Variants in MAGI2 observed in about 807,000 individuals in gnomAD.
MAGI2 encodes membrane associated guanylate kinase, WW and PDZ domain containing 2, also known as membrane-associated guanylate kinase, WW and PDZ domain-containing protein 2.
In MAGI2, 35 loss-of-function variants were observed where a neutral mutation model predicts 133.3. The observed-to-expected ratio is 0.26, with a 90% CI of 0.20 to 0.35. The LOEUF (loss-of-function observed/expected upper bound fraction) is 0.35. Among genes scored for constraint, MAGI2 ranks in the 10% least tolerant of loss-of-function variants. MAGI2 has a pLI of 1.00. For synonymous variants in MAGI2, 729 were observed against 710.6 expected (o/e 1.03, Z -0.41); for missense variants, 1,636 against 1,863.4 (o/e 0.88, Z 2.25).
In MAGI2 at chr7:79,366,855, T is replaced by C. The variant is rs377576520; in HGVS notation, c.301+86165A>G. On this transcript the variant is annotated intron_variant, in intron 1 of 21. Transcript: ENST00000354212. ...ATATTATGATGTTGGGTAAAACACA[T>C]ACAAGCAGATAATTAATTCCTAATA... Among the ~76,000 whole-genome samples, 4 of 152,316 alleles carry C rather than the reference T, an allele frequency of 2.6e-5. No homozygotes were observed. The South Asian group carries it at 6.2e-4, about 24-fold the overall frequency.
chr7:79,425,373 A>G (rs966323593), intron 1 of MAGI2, among the ~76,000 whole-genome samples: 6 of 151,908 alleles, frequency 3.9e-5, no homozygotes, highest in Non-Finnish European at 7.4e-5. Flanking sequence ...GGAAGAACCA[A>G]AATTAGTAGT....
chr7:78,070,218 T>TATAC (rs1453553515), intron 21 of MAGI2, among the ~76,000 whole-genome samples: 18 of 52,276 alleles, frequency 3.4e-4, no homozygotes, highest in South Asian at 8.7e-4. Context: ...TATATATATA[T>TATAC]ACACACACAC....
intron 6 of MAGI2, among the ~76,000 whole-genome samples, chr7:78,419,195 T>C (rs1285915789): frequency 6.6e-6 from 1 of 152,172 alleles, no homozygotes; most frequent in East Asian, 1.9e-4. Flanking sequence ...AGTCCTAGCA[T>C]ACTATAGTTC....
At chr7:78,693,406 C>T (rs1442643341) in intron 2 of MAGI2, among the ~76,000 whole-genome samples, 2 of 152,074 alleles carry the variant, frequency 1.3e-5, no homozygotes, top group Non-Finnish European at 1.5e-5. Flanking sequence ...AATATTCTTA[C>T]GATGTGTACA....
intron 3 of MAGI2, among the ~76,000 whole-genome samples, chr7:78,573,064 T>TATAC (rs1563187586): frequency 3.1e-5 from 3 of 96,566 alleles, no homozygotes; most frequent in Non-Finnish European, 5.9e-5. Flanking sequence ...TATATATATA[T>TATAC]ATATATATAT....
intron 2 of MAGI2, among the ~76,000 whole-genome samples, chr7:78,931,997 GCAAAAA>G (rs1402997315): frequency 8.0e-6 from 1 of 125,342 alleles, no homozygotes; most frequent in Non-Finnish European, 1.7e-5. Context: ...CAAAAGGAAG[GCAAAAA>G]AAAAAAAAAA....
At chr7:79,348,864 G>A (rs1400102893) in intron 1 of MAGI2, among the ~76,000 whole-genome samples, 1 of 151,782 alleles carries the variant, frequency 6.6e-6, no homozygotes, top group Non-Finnish European at 1.5e-5. Context: ...TAATCACTGT[G>A]CTCTCTTCTC....
intron 20 of MAGI2, among the ~76,000 whole-genome samples, chr7:78,083,682 G>A (rs1030146086): frequency 1.3e-5 from 2 of 152,204 alleles, no homozygotes; most frequent in South Asian, 2.1e-4. Flanking sequence ...CTAGGTCCCC[G>A]CCTAGTAAGT....
intron 15 of MAGI2, among the ~76,000 whole-genome samples, chr7:78,164,084 C>T (rs1825381200): frequency 6.6e-6 from 1 of 152,124 alleles, no homozygotes; most frequent in South Asian, 2.1e-4. Context: ...CTCCCCAAGA[C>T]CTCTTGCAAA....
chr7:78,124,468 T>C (rs531394575), intron 20 of MAGI2, among the ~76,000 whole-genome samples: 2 of 152,326 alleles, frequency 1.3e-5, no homozygotes, highest in African/African-American at 4.8e-5. Flanking sequence ...CTTCTGCTTT[T>C]GGACTGTGGA....
intron 9 of MAGI2, among the ~76,000 whole-genome samples, chr7:78,270,728 C>T (rs1416197430): frequency 6.6e-6 from 1 of 151,828 alleles, no homozygotes; most frequent in Non-Finnish European, 1.5e-5. Context: ...TTAGACAGAC[C>T]AACGAGACAG....
At chr7:79,197,946 A>AT (rs768079351) in intron 1 of MAGI2, among the ~76,000 whole-genome samples, 1 of 151,916 alleles carries the variant, frequency 6.6e-6, no homozygotes, top group Non-Finnish European at 1.5e-5. Context: ...GGACCCAAAC[A>AT]TTAAAACCAT....
intron 2 of MAGI2, among the ~76,000 whole-genome samples, chr7:78,922,535 T>C (rs1384966595): frequency 6.6e-6 from 1 of 151,798 alleles, no homozygotes; most frequent in African/African-American, 2.4e-5. Context: ...TCATTTTTTA[T>C]GGCTGCATAG....
chr7:78,394,115 G>A lies in MAGI2; in HGVS notation c.1046-24902C>T, dbSNP rs776964648. Among the ~76,000 whole-genome samples the A allele has an allele frequency of 4.6e-5, 7 of 152,250 alleles. No individual in the cohort carries two copies. The East Asian group carries it at 5.8e-4, about 13-fold the overall frequency. Reference sequence around the variant, plus strand: ...CAGGAGTTCTGATGTCTGAGGGCAGGAGAAGATGGAGGACCCAGCTCAAGA... The same window carrying A: ...CAGGAGTTCTGATGTCTGAGGGCAGAAGAAGATGGAGGACCCAGCTCAAGA... On this transcript the variant is annotated intron_variant, in intron 6 of 21. Transcript: ENST00000354212.
chr7:78,238,534 CAAA>C (rs57547010), intron 10 of MAGI2, among the ~76,000 whole-genome samples: 1 of 149,856 alleles, frequency 6.7e-6, no homozygotes, highest in Non-Finnish European at 1.5e-5. Context: ...GAACCTGTCT[CAAA>C]AAAAAAATCT....
At chr7:78,688,530 TAGA>T (rs1485945967) in intron 2 of MAGI2, among the ~76,000 whole-genome samples, 1 of 152,194 alleles carries the variant, frequency 6.6e-6, no homozygotes, top group Non-Finnish European at 1.5e-5. Flanking sequence ...AAACACACAT[TAGA>T]AGAAGGGACC....
At chr7:79,024,236 G>T (rs546084258) in intron 1 of MAGI2, among the ~76,000 whole-genome samples, 4 of 152,274 alleles carry the variant, frequency 2.6e-5, no homozygotes, top group African/African-American at 9.6e-5. Context: ...AATGGGGAAA[G>T]TATCCCTATT....
chr7:78,125,663 A>T, intron 20 of MAGI2, 31 bp downstream of exon 20: 1 of 1,605,118 alleles, frequency 6.2e-7, no homozygotes, highest in Non-Finnish European at 8.5e-7. Context: ...TTTCAGAATT[A>T]AGCAATTCTA....
intron 2 of MAGI2, among the ~76,000 whole-genome samples, chr7:78,948,270 T>C (rs1460069105): frequency 1.3e-5 from 2 of 152,078 alleles, no homozygotes; most frequent in African/African-American, 2.4e-5. Context: ...CAGAAGTATA[T>C]ACGATTATTT....
Sources: allele counts gnomAD v4.1 joint callset (sites outside exome capture counted in the v4.1 genomes callset), GRCh38; gene constraint gnomAD v4.1.1; transcripts MANE v1.5; gene names NCBI Gene and HGNC (gene_info 2026-07-23, HGNC 2026-07-21).